FRYL: variants seen among roughly 807,000 people sequenced by gnomAD.
FRYL encodes protein furry homolog-like.
Under a neutral mutation model 351.2 loss-of-function variants are expected in FRYL, and 150 were observed. The observed-to-expected ratio is 0.43, with a 90% confidence interval of 0.37 to 0.49. FRYL has a LOEUF of 0.49. Among genes scored for constraint, FRYL ranks in the 20% least tolerant of loss-of-function variants. The pLI is 0.00. For missense variants in FRYL, 3,036 were observed against 3,619.3 expected (o/e 0.84, Z 4.13); for synonymous variants, 1,153 against 1,257.1 (o/e 0.92, Z 1.75).
In FRYL at chr4:48,549,822, A is replaced by G. The variant is rs1732277548; in HGVS notation, c.4634-199T>C. Reference sequence around the variant, plus strand: ...ACCAGGGAGAGGGAGAGAGAGAAAGAGATTAATTTAGGTTCCACCCTGTAC... The same window carrying G: ...ACCAGGGAGAGGGAGAGAGAGAAAGGGATTAATTTAGGTTCCACCCTGTAC... On this transcript the variant is annotated intron_variant, in intron 38 of 63. Transcript: ENST00000358350. This position sits in a 1 kb window ranked among gnomAD's most constrained non-coding sequence, Gnocchi z 4.2. Among the ~76,000 whole-genome samples, 1 of 152,204 alleles carries G rather than the reference A, an allele frequency of 6.6e-6. No individual in the cohort carries two copies. The highest frequency in any genetic ancestry group is 1.5e-5 in the Non-Finnish European group (1 of 68,034).
intron 2 of FRYL, among the ~76,000 whole-genome samples, chr4:48,698,364 T>G (rs1766407081): frequency 6.6e-6 from 1 of 152,230 alleles, no homozygotes; most frequent in Non-Finnish European, 1.5e-5. Context: ...ATTCAGGTGT[T>G]AATAAACAAG....
At chr4:48,571,035 G>T in intron 26 of FRYL, 117 bp from the exon 27 acceptor site, 1 of 694,152 alleles carries the variant, frequency 1.4e-6, no homozygotes, top group Non-Finnish European at 2.4e-6. Context: ...CTTGTACAGT[G>T]TAGACTGTGG....
At chr4:48,760,449 G>C (rs1243383220) in intron 1 of FRYL, among the ~76,000 whole-genome samples, 2 of 152,098 alleles carry the variant, frequency 1.3e-5, no homozygotes, top group African/African-American at 4.8e-5. Context: ...ATTTATCTTA[G>C]GGTTGTCTAT....
intron 1 of FRYL, among the ~76,000 whole-genome samples, chr4:48,716,274 T>C (rs1395875933): frequency 2.0e-5 from 3 of 150,936 alleles, no homozygotes; most frequent in African/African-American, 4.9e-5. Flanking sequence ...AATTGACAAA[T>C]GGGATCTAAT....
intron 3 of FRYL, among the ~76,000 whole-genome samples, chr4:48,669,368 T>C (rs565924672): frequency 6.6e-6 from 1 of 152,148 alleles, no homozygotes; most frequent in Admixed American, 6.5e-5. Flanking sequence ...CATATGGTGG[T>C]CCTGGGATGA....
intron 3 of FRYL, among the ~76,000 whole-genome samples, chr4:48,672,514 T>A (rs1165833287): frequency 6.6e-6 from 1 of 152,224 alleles, no homozygotes; most frequent in Non-Finnish European, 1.5e-5. Context: ...GCCCAGTGCT[T>A]CCAAATCCTA....
At chr4:48,616,238 C>G (rs1000088466) in intron 7 of FRYL, among the ~76,000 whole-genome samples, 2 of 151,790 alleles carry the variant, frequency 1.3e-5, no homozygotes, top group Non-Finnish European at 2.9e-5. Flanking sequence ...AAAATACTGG[C>G]CATTTCACCT....
chr4:48,762,475 T>C (rs1774516436), intron 1 of FRYL, among the ~76,000 whole-genome samples: 1 of 152,232 alleles, frequency 6.6e-6, no homozygotes, highest in Non-Finnish European at 1.5e-5. Context: ...ATAAATTCTA[T>C]TTTTAATGTC....
chr4:48,705,207 T>TAA, intron 2 of FRYL, among the ~76,000 whole-genome samples: 1 of 152,010 alleles, frequency 6.6e-6, no homozygotes. Context: ...TGGAAAGATA[T>TAA]AAAAAGATTT....
chr4:48,605,702 A>C (rs1305735571), intron 11 of FRYL, 39 bp downstream of exon 11: 2 of 1,265,402 alleles, frequency 1.6e-6, no homozygotes, highest in African/African-American at 3.0e-5. Context: ...AGGTTCTTGT[A>C]TAACACACAA....
At chr4:48,779,594 G>A (rs1038660355) in intron 1 of FRYL, among the ~76,000 whole-genome samples, 3 of 152,012 alleles carry the variant, frequency 2.0e-5, no homozygotes, top group African/African-American at 7.2e-5. Flanking sequence ...TCCCAGCCGA[G>A]GCGGCGGAGC....
chr4:48,678,319 T>A (rs1157875593), intron 3 of FRYL, among the ~76,000 whole-genome samples: 3 of 151,776 alleles, frequency 2.0e-5, no homozygotes, highest in African/African-American at 7.3e-5. Context: ...AAGACTTAAA[T>A]CTAAGACCTA....
chr4:48,672,217 G>A lies in FRYL; in HGVS notation c.-81+12456C>T, dbSNP rs549578768. On this transcript the variant is annotated intron_variant, in intron 3 of 63. Coordinates refer to ENST00000358350, the MANE Select transcript of FRYL (RefSeq NM_015030.2). ...TAGGTGAGGTTAACTAGTCTAGAGC[G>A]ATTAAGTAGCCGGTTCAAGGCAAGT... 5.3e-5 allele frequency among the ~76,000 whole-genome samples: 8 copies of A among 152,316 alleles called. 1 individual carries two copies. Among genetic ancestry groups the A allele is most frequent in the Non-Finnish European group, 8.8e-5 (6 of 68,022 alleles).
Position 48,575,245 on chromosome 4 carries a change from G to GA in FRYL, c.2722-5dup, listed in dbSNP as rs751294467. The GA allele has an allele frequency of 1.3e-5, 21 of 1,605,610 alleles. No individual in the cohort carries two copies. The East Asian group carries it at 2.9e-4, about 22-fold the overall frequency. ...AAGGGGATGGGATGCCAATAATCTG[G>GA]AAAAAAAATATCGTATTTGTAACAG... On this transcript the variant is annotated splice_polypyrimidine_tract_variant and splice_region_variant and intron_variant, in intron 24 of 63. Coordinates refer to ENST00000358350, the MANE Select transcript of FRYL (RefSeq NM_015030.2).
intron 2 of FRYL, among the ~76,000 whole-genome samples, chr4:48,702,579 T>C (rs1409645130): frequency 2.8e-5 from 4 of 144,898 alleles, no homozygotes; most frequent in African/African-American, 1.0e-4. Context: ...ATCGAGACCA[T>C]GGTGAAACCC....
chr4:48,558,372 G>A (rs1219476103), intron 33 of FRYL, among the ~76,000 whole-genome samples: 3 of 152,160 alleles, frequency 2.0e-5, no homozygotes, highest in Non-Finnish European at 4.4e-5. Context: ...CATATATGGA[G>A]TACCTAAAGT....
rs1734422903 is a variant in FRYL at position 48,557,623 on chromosome 4, C to T, written c.3955G>A (p.Val1319Met). 1 of 1,614,170 alleles carries T rather than the reference C, an allele frequency of 6.2e-7. No homozygotes were observed. The highest frequency in any genetic ancestry group is 8.5e-7 in the Non-Finnish European group (1 of 1,180,032). Residue 1319 changes from valine to methionine, a missense_variant, in exon 34 of 64, where the codon GTG (valine) becomes ATG (methionine). Transcript: ENST00000358350. ...GCTGTGGGGAGAGGTTTTAAGTCCA[C>T]CAGCTCGATGTTGTTCATCCATGGT... ...LLPWMNNIELVDLKPLPTARR... is the reference protein window; with the variant it reads ...LLPWMNNIELMDLKPLPTARR...
chr4:48,609,687 T>C (rs926303272), intron 8 of FRYL, 57 bp downstream of exon 8: 4 of 766,288 alleles, frequency 5.2e-6, no homozygotes, highest in Non-Finnish European at 8.6e-6. Context: ...AGACTTAAAA[T>C]AGTCTAGACC....
chr4:48,543,052 A>G (rs184043799), intron 44 of FRYL, among the ~76,000 whole-genome samples: 464 of 152,212 alleles, frequency 3.0e-3, no homozygotes, highest in Non-Finnish European at 5.3e-3. Flanking sequence ...AATGTATTCT[A>G]GCGACACCAA....
Sources: allele counts gnomAD v4.1 joint callset (sites outside exome capture counted in the v4.1 genomes callset), GRCh38; gene constraint gnomAD v4.1.1; non-coding constraint Gnocchi (gnomAD v3.1); transcripts MANE v1.5; gene names NCBI Gene and HGNC (gene_info 2026-07-23, HGNC 2026-07-21).